The following SGCZ variants were observed in gnomAD, a reference collection of about 807,000 sequenced individuals.
The protein encoded by SGCZ is sarcoglycan zeta, also known as zeta-sarcoglycan.
A neutral mutation model predicts 41.3 loss-of-function variants in SGCZ; 40 were observed. That is an observed-to-expected ratio of 0.97 (90% CI 0.75 to 1.26). The LOEUF (loss-of-function observed/expected upper bound fraction) is 1.26. Among genes scored for constraint, SGCZ ranks in the 50% most tolerant of loss-of-function variants. The pLI, the probability that SGCZ is intolerant of heterozygous loss-of-function variation, is 0.00. For synonymous variants in SGCZ, 206 were observed against 137.5 expected (o/e 1.50, Z -3.49); for missense variants, 552 against 369.8 (o/e 1.49, Z -4.04).
At position 14,670,040 on chromosome 8, in the gene SGCZ, G is replaced by A. The variant is rs942591939; in HGVS notation, c.40-115114C>T. On this transcript the variant is annotated intron_variant, in intron 1 of 7. Transcript: ENST00000382080. ...AATAACTAAGTTTATATCTTTTTCA[G>A]CTGTAATGATTTGTCAAAAAATCAA... is the stretch of plus-strand genomic sequence containing the variant. 1.5e-4 allele frequency among the ~76,000 whole-genome samples: 23 copies of A among 152,106 alleles called. 1 individual carries two copies. Among genetic ancestry groups the A allele is most frequent in the Non-Finnish European group, 3.1e-4 (21 of 68,004 alleles).
chr8:14,293,436 T>C (rs929029281), intron 3 of SGCZ, among the ~76,000 whole-genome samples: 1 of 152,032 alleles, frequency 6.6e-6, no homozygotes, highest in Non-Finnish European at 1.5e-5. Flanking sequence ...AAATGTCTCA[T>C]GTCCACCTAC....
intron 2 of SGCZ, among the ~76,000 whole-genome samples, chr8:14,357,514 AC>A: frequency 6.6e-6 from 1 of 152,310 alleles, no homozygotes; most frequent in East Asian, 1.9e-4. Context: ...TATATGCTGT[AC>A]CTTTGAATTG....
At position 14,825,839 on chromosome 8, in the gene SGCZ, G is replaced by T. The variant is rs527326805; in HGVS notation, c.40-270913C>A. 2.6e-5 allele frequency among the ~76,000 whole-genome samples: 4 copies of T among 152,168 alleles called. No individual in the cohort carries two copies. The South Asian group carries it at 6.2e-4, about 24-fold the overall frequency. ...GTGTCTGGCTTATTTCACTTAACAT[G>T]ATATTCTTCAGACTCATCTGTATTA... On this transcript the variant is annotated intron_variant, in intron 1 of 7. Transcript: ENST00000382080.
intron 2 of SGCZ, among the ~76,000 whole-genome samples, chr8:14,436,056 C>T (rs1448870309): frequency 6.6e-6 from 1 of 152,184 alleles, no homozygotes; most frequent in Non-Finnish European, 1.5e-5. Flanking sequence ...GACCTATAGC[C>T]ATGATGAGAG....
chr8:14,608,725 C>T (rs1013502105), intron 1 of SGCZ, among the ~76,000 whole-genome samples: 2 of 152,012 alleles, frequency 1.3e-5, no homozygotes, highest in Non-Finnish European at 2.9e-5. Flanking sequence ...GATCCACCCC[C>T]ACGGCCCATA....
chr8:14,108,103 A>G, intron 6 of SGCZ, 60 bp downstream of exon 6: 1 of 1,450,652 alleles, frequency 6.9e-7, no homozygotes. Context: ...AGTTCTTCAT[A>G]TATTAAGGAT....
intron 1 of SGCZ, among the ~76,000 whole-genome samples, chr8:14,667,168 G>T (rs1669776361): frequency 6.6e-6 from 1 of 152,186 alleles, no homozygotes; most frequent in East Asian, 1.9e-4. Flanking sequence ...CCATTCTTTG[G>T]AAAGGAGGAA....
intron 1 of SGCZ, among the ~76,000 whole-genome samples, chr8:15,145,647 G>T (rs1344383218): frequency 6.6e-6 from 1 of 152,028 alleles, no homozygotes; most frequent in African/African-American, 2.4e-5. Flanking sequence ...CAGAGACAAG[G>T]TCTTACTATG....
chr8:14,253,145 C>T (rs1427000), intron 3 of SGCZ, among the ~76,000 whole-genome samples: 101,570 of 151,770 alleles, frequency 0.67, 34,395 homozygotes, highest in South Asian at 0.78. Flanking sequence ...AAGAATAAAA[C>T]AGTAGATAAC....
chr8:14,903,769 G>A lies in SGCZ; in HGVS notation c.39+333816C>T, dbSNP rs926194797. On this transcript the variant is annotated intron_variant, in intron 1 of 7. Coordinates refer to ENST00000382080, the MANE Select transcript of SGCZ (RefSeq NM_139167.4). ...ACATTATATACTAGTCAGAGTATGA[G>A]TGATTATCTCAACAGTTCAGGAAAT... 2.0e-5 allele frequency among the ~76,000 whole-genome samples: 3 copies of A among 151,962 alleles called. No homozygotes were observed. The East Asian group carries it at 5.8e-4, about 29-fold the overall frequency.
intron 1 of SGCZ, among the ~76,000 whole-genome samples, chr8:15,181,899 C>G (rs1479472240): frequency 1.3e-5 from 2 of 151,992 alleles, no homozygotes; most frequent in Admixed American, 1.3e-4. Context: ...CTTCTGATAC[C>G]TTCTTCTAAT....
At chr8:14,933,681 T>G (rs1799993765) in intron 1 of SGCZ, among the ~76,000 whole-genome samples, 1 of 151,956 alleles carries the variant, frequency 6.6e-6, no homozygotes. Flanking sequence ...CTCGATCTCC[T>G]GACCTCGTGA....
rs58328353 is a variant in SGCZ, at chr8:14,141,657, C to T, written c.547+22923G>A. Among the ~76,000 whole-genome samples, 92 of 152,224 alleles carry T rather than the reference C, an allele frequency of 6.0e-4. 4 individuals are homozygous for T. The East Asian group carries it at 0.016, about 26-fold the overall frequency. The stretch of plus-strand genomic sequence containing the variant: ...GTTAGAATGGCGATCATTAAAAAGT[C>T]GGGAAACAACAGATGCTGGAGAGGA... On this transcript the variant is annotated intron_variant, in intron 5 of 7. Coordinates refer to ENST00000382080, the MANE Select transcript of SGCZ (RefSeq NM_139167.4).
intron 5 of SGCZ, among the ~76,000 whole-genome samples, chr8:14,145,908 A>G (rs79255543): frequency 5.9e-5 from 9 of 152,286 alleles, no homozygotes; most frequent in Admixed American, 2.0e-4. Context: ...AGAGGAGGCA[A>G]AAGAATAAAA....
intron 5 of SGCZ, among the ~76,000 whole-genome samples, chr8:14,122,826 C>CATT (rs1402191960): frequency 2.2e-5 from 2 of 92,210 alleles, no homozygotes; most frequent in African/African-American, 8.9e-5. Flanking sequence ...ATTTGGGAAA[C>CATT]ATTATCACAT....
At chr8:15,086,245 T>C (rs907047379) in intron 1 of SGCZ, among the ~76,000 whole-genome samples, 1 of 152,192 alleles carries the variant, frequency 6.6e-6, no homozygotes, top group African/African-American at 2.4e-5. Context: ...AATCTCTCCT[T>C]ATGTCTCTGT....
chr8:15,121,066 T>C (rs1807459524), intron 1 of SGCZ, among the ~76,000 whole-genome samples: 1 of 152,358 alleles, frequency 6.6e-6, no homozygotes, highest in African/African-American at 2.4e-5. Flanking sequence ...CTTCATTTTT[T>C]CTTTGCGTTG....
chr8:14,992,469 C>T (rs906409495), intron 1 of SGCZ, among the ~76,000 whole-genome samples: 2 of 149,132 alleles, frequency 1.3e-5, no homozygotes, highest in Non-Finnish European at 2.9e-5. Flanking sequence ...ATCCAATCTA[C>T]TCCCAAATCT....
intron 1 of SGCZ, among the ~76,000 whole-genome samples, chr8:14,752,487 A>G (rs1799529144): frequency 6.6e-6 from 1 of 152,240 alleles, no homozygotes; most frequent in South Asian, 2.1e-4. Context: ...AATCAAAATT[A>G]CCATCTCAAT....
Sources: allele counts gnomAD v4.1 joint callset (sites outside exome capture counted in the v4.1 genomes callset), GRCh38; gene constraint gnomAD v4.1.1; transcripts MANE v1.5; gene names NCBI Gene and HGNC (gene_info 2026-07-23, HGNC 2026-07-21).